The following OR14I1 variants were observed in gnomAD, a reference collection of about 807,000 sequenced individuals.
The protein encoded by OR14I1 is olfactory receptor 14I1.
For synonymous variants in OR14I1, 118 were observed against 71.1 expected (o/e 1.66, Z -3.32); for missense variants, 279 against 181.8 (o/e 1.53, Z -3.07).
At chr1:248,680,256 G>A (rs372759184), downstream of OR14I1, among the ~76,000 whole-genome samples, 15 of 152,244 alleles carry the variant, frequency 9.9e-5, 1 homozygote, top group South Asian at 4.1e-4. Flanking sequence ...GCAGCATATC[G>A]AAGAATTATA....
At chr1:248,698,674 T>C in the OR14I1 span, among the ~76,000 whole-genome samples, 69 of 152,330 alleles carry the variant, frequency 4.5e-4, no homozygotes, top group Admixed American at 3.2e-3. Flanking sequence ...ATTTAGGAAT[T>C]TGGAAGTCCC....
At chr1:248,685,555 G>T (rs553767200), upstream of OR14I1, among the ~76,000 whole-genome samples, 1 of 151,850 alleles carries the variant, frequency 6.6e-6, no homozygotes, top group Non-Finnish European at 1.5e-5. Context: ...CCAATTCCTT[G>T]TAATGTATTA....
At chr1:248,682,283 T>G (rs1206501380) in exon 1 of OR14I1, 1 of 751,146 alleles carries the variant, frequency 1.3e-6, no homozygotes, top group Admixed American at 1.9e-5. Context: ...AGGAATTCTG[T>G]CACTTTTGTG....
chr1:248,680,971 T>C (rs1048094976), downstream of OR14I1, among the ~76,000 whole-genome samples: 928 of 149,056 alleles, frequency 6.2e-3, 6 homozygotes, highest in African/African-American at 0.022. Flanking sequence ...TGTGTGCGTG[T>C]GTGTGTGTGT....
chr1:248,684,642 C>T (rs573270592), upstream of OR14I1, among the ~76,000 whole-genome samples: 6 of 152,210 alleles, frequency 3.9e-5, no homozygotes, highest in South Asian at 8.3e-4. Context: ...CAATATTGAA[C>T]ATTTCAACAT....
chr1:248,681,148 G>T (rs1018877172), downstream of OR14I1, among the ~76,000 whole-genome samples: 1 of 151,936 alleles, frequency 6.6e-6, no homozygotes, highest in Non-Finnish European at 1.5e-5. Flanking sequence ...AATATTTTAT[G>T]AAGGTACTTT....
chr1:248,694,106 G>A, the OR14I1 span, among the ~76,000 whole-genome samples: 2 of 152,194 alleles, frequency 1.3e-5, no homozygotes, highest in African/African-American at 4.8e-5. Flanking sequence ...TTTGAGGGGA[G>A]TGGGAGAAAG....
the OR14I1 span, among the ~76,000 whole-genome samples, chr1:248,694,513 A>T: frequency 6.6e-6 from 1 of 152,182 alleles, no homozygotes; most frequent in African/African-American, 2.4e-5. Flanking sequence ...TTCCATTGGC[A>T]GCATTTTATA....
At chr1:248,678,425 C>T (rs1661509915), downstream of OR14I1, among the ~76,000 whole-genome samples, 1 of 152,166 alleles carries the variant, frequency 6.6e-6, no homozygotes, top group Non-Finnish European at 1.5e-5. Flanking sequence ...GCAATGTTTT[C>T]TCTGGCAACA....
downstream of OR14I1, among the ~76,000 whole-genome samples, chr1:248,680,501 A>G (rs1308880063): frequency 2.0e-5 from 3 of 152,344 alleles, no homozygotes; most frequent in East Asian, 3.9e-4. Context: ...AGGAATAGCC[A>G]GTGTACATTT....
At chr1:248,701,500 G>A in the OR14I1 span, among the ~76,000 whole-genome samples, 1 of 152,072 alleles carries the variant, frequency 6.6e-6, no homozygotes, top group East Asian at 1.9e-4. Context: ...CATCAACATT[G>A]TTATGTAAAG....
chr1:248,680,628 AC>A (rs1661543830), downstream of OR14I1, among the ~76,000 whole-genome samples: 1 of 152,164 alleles, frequency 6.6e-6, no homozygotes, highest in Non-Finnish European at 1.5e-5. Context: ...GTGACCAAGA[AC>A]TCAGACCCAG....
At chr1:248,692,661 T>C in the OR14I1 span, 1 of 152,418 alleles carries the variant, frequency 6.6e-6, no homozygotes, top group African/African-American at 2.4e-5. Flanking sequence ...CTCATAATGC[T>C]TACAGTCTAC....
At chr1:248,692,375 C>T in the OR14I1 span, among the ~76,000 whole-genome samples, 1 of 152,244 alleles carries the variant, frequency 6.6e-6, no homozygotes, top group African/African-American at 2.4e-5. Context: ...CTCATTCCTG[C>T]ATTCCCAACT....
exon 1 of OR14I1, chr1:248,681,333 T>C (rs1382917218): frequency 1.5e-6 from 1 of 649,526 alleles, no homozygotes; most frequent in Non-Finnish European, 2.8e-6. Flanking sequence ...TTTTGGGGTT[T>C]TGTTGCAGAT....
chr1:248,701,563 G>A, the OR14I1 span, among the ~76,000 whole-genome samples: 1 of 152,166 alleles, frequency 6.6e-6, no homozygotes, highest in African/African-American at 2.4e-5. Flanking sequence ...TATAAATTTA[G>A]GGTTGATTTT....
At chr1:248,701,012 C>T in the OR14I1 span, among the ~76,000 whole-genome samples, 7 of 152,134 alleles carry the variant, frequency 4.6e-5, no homozygotes, top group South Asian at 2.1e-4. Flanking sequence ...TATGTTTTCT[C>T]GTTGATGCTA....
chr1:248,683,968 G>C (rs968708610), upstream of OR14I1, among the ~76,000 whole-genome samples: 1 of 152,200 alleles, frequency 6.6e-6, no homozygotes, highest in African/African-American at 2.4e-5. Context: ...GGAGGTGGAG[G>C]TGGCAGTGAG....
chr1:248,694,509 T>C, the OR14I1 span, among the ~76,000 whole-genome samples: 2 of 152,218 alleles, frequency 1.3e-5, no homozygotes, highest in Admixed American at 6.5e-5. Flanking sequence ...TTCTTTCCAT[T>C]GGCAGCATTT....
Sources: allele counts gnomAD v4.1 joint callset (sites outside exome capture counted in the v4.1 genomes callset), GRCh38; gene constraint gnomAD v4.1.1; transcripts MANE v1.5; gene names NCBI Gene and HGNC (gene_info 2026-07-23, HGNC 2026-07-21).